The following SPTBN1 variants were observed in gnomAD, a reference collection of about 807,000 sequenced individuals.
The protein encoded by SPTBN1 is spectrin beta chain, non-erythrocytic 1.
Under a neutral mutation model 266.4 loss-of-function variants are expected in SPTBN1, and 32 were observed. The observed-to-expected ratio is 0.12, with a 90% CI of 0.09 to 0.16. The LOEUF (loss-of-function observed/expected upper bound fraction) is 0.16. SPTBN1 is among the 10% of genes least tolerant of loss of function. The pLI, the probability that SPTBN1 is intolerant of heterozygous loss-of-function variation, is 1.00. For synonymous variants in SPTBN1, 1,336 were observed against 1,162.2 expected, an observed-to-expected ratio of 1.15 and a Z score of -3.04; for missense variants, 2,296 against 3,067.1, an observed-to-expected ratio of 0.75 and a Z score of 5.94.
intron 34 of SPTBN1, among the ~76,000 whole-genome samples, chr2:54,666,589 G>T (rs978513892): frequency 6.6e-6 from 1 of 152,198 alleles, no homozygotes; most frequent in South Asian, 2.1e-4. Flanking sequence ...AGATGCTCCA[G>T]CTGTCTCAGA....
intron 2 of SPTBN1, among the ~76,000 whole-genome samples, chr2:54,587,027 C>T (rs1375964658): frequency 1.3e-5 from 2 of 152,068 alleles, no homozygotes; most frequent in Non-Finnish European, 2.9e-5. Context: ...AAGCAAGGGC[C>T]GGGGAGCATG....
At chr2:54,655,045 G>A (rs775742212) in intron 27 of SPTBN1, 25 bp from the exon 28 acceptor site, 43 of 1,600,916 alleles carry the variant, frequency 2.7e-5, no homozygotes, top group African/African-American at 4.0e-5. Flanking sequence ...ATCTCCTAAC[G>A]GAGGCATCGT....
intron 4 of SPTBN1, among the ~76,000 whole-genome samples, chr2:54,615,994 C>T (rs1440770073): frequency 6.6e-6 from 1 of 152,156 alleles, no homozygotes; most frequent in Non-Finnish European, 1.5e-5. Flanking sequence ...TCCCGTCAGC[C>T]TTCTGTCTGT....
At chr2:54,647,036 CT>C in intron 23 of SPTBN1, 94 bp from the exon 24 acceptor site, 1 of 1,578,002 alleles carries the variant, frequency 6.3e-7, no homozygotes, top group Non-Finnish European at 8.6e-7. Flanking sequence ...TCTACTGATC[CT>C]TCCTCCTACC....
At chr2:54,459,040 A>T (rs1693221928) in intron 1 of SPTBN1, among the ~76,000 whole-genome samples, 1 of 152,154 alleles carries the variant, frequency 6.6e-6, no homozygotes, top group Non-Finnish European at 1.5e-5. Flanking sequence ...GATTTTTATG[A>T]ATGTTGTTCC....
intron 1 of SPTBN1, among the ~76,000 whole-genome samples, chr2:54,495,779 G>A (rs1373070912): frequency 1.3e-5 from 2 of 150,860 alleles, no homozygotes; most frequent in African/African-American, 4.8e-5. Flanking sequence ...TATGTATGGT[G>A]ATTTATTTAA....
chr2:54,572,866 A>C (rs1280147252), intron 2 of SPTBN1, among the ~76,000 whole-genome samples: 12 of 152,062 alleles, frequency 7.9e-5, no homozygotes, highest in Admixed American at 7.9e-4. Flanking sequence ...GGGTTTTTGG[A>C]AAGGGAGAGG....
chr2:54,664,827 CT>C lies in SPTBN1; in HGVS notation c.6659+138del. ...TTGGTAGCTTCCTGGACATTGCATTCTTCTTGGGCTGACGCTGGAAAGCAGG... is the reference window on the plus strand; with the variant it reads ...TTGGTAGCTTCCTGGACATTGCATTCTCTTGGGCTGACGCTGGAAAGCAGG... On this transcript the variant is annotated intron_variant, in intron 33 of 35. Transcript: ENST00000356805. This position sits in a 1 kb window ranked among gnomAD's most constrained non-coding sequence, Gnocchi z 5.6. 3.4e-6 allele frequency: 3 copies of C among 871,796 alleles called. No homozygotes were observed. The highest frequency in any genetic ancestry group is 5.2e-6 in the Non-Finnish European group (3 of 581,564). 54.0% of individuals were successfully genotyped at this position (871,796 alleles called of 1,614,324 possible).
intron 1 of SPTBN1, among the ~76,000 whole-genome samples, chr2:54,458,290 A>G (rs1407504257): frequency 6.6e-6 from 1 of 152,210 alleles, no homozygotes; most frequent in Non-Finnish European, 1.5e-5. Flanking sequence ...TTGTTTTAAA[A>G]GGAATTTATA....
At chr2:54,596,842 G>A (rs1676126479) in intron 2 of SPTBN1, among the ~76,000 whole-genome samples, 1 of 152,172 alleles carries the variant, frequency 6.6e-6, no homozygotes, top group Non-Finnish European at 1.5e-5. Context: ...CTGTAGGGAG[G>A]AGGGTTGGGA....
rs765729272 is a variant in SPTBN1 at position 54,655,930 on chromosome 2, T to C, written c.5978T>C (p.Leu1993Pro). 1 of 1,613,116 alleles carries C rather than the reference T, an allele frequency of 6.2e-7. No individual in the cohort carries two copies. Among genetic ancestry groups the C allele is most frequent in the Non-Finnish European group, 8.5e-7 (1 of 1,179,364 alleles). ...YASEEIKEKL[L>P]QLTEKRKEMI... ...TTCATACAGATCAAGGAAAAATTAC[T>C]GCAGTTGACGGAAAAGAGGAAAGAA... Residue 1993 changes from leucine (L) to proline (P), a missense_variant, in exon 29 of 36, where the codon CTG (leucine) becomes CCG (proline). Physicochemically the swap from Leu to Pro is moderately conservative, Grantham distance 98. Transcript: ENST00000356805.
chr2:54,462,074 G>T (rs1693395548), intron 1 of SPTBN1, among the ~76,000 whole-genome samples: 1 of 152,176 alleles, frequency 6.6e-6, no homozygotes, highest in Non-Finnish European at 1.5e-5. Context: ...CTAGGTACTG[G>T]CCTTGAGCTA....
At chr2:54,567,440 A>G (rs1000763335) in intron 2 of SPTBN1, among the ~76,000 whole-genome samples, 3 of 152,114 alleles carry the variant, frequency 2.0e-5, no homozygotes, top group African/African-American at 7.2e-5. Flanking sequence ...TCTTGGGCTC[A>G]AGCCATCCTT....
At position 54,661,330 on chromosome 2, in the gene SPTBN1, C is replaced by T. The variant is rs558383450; in HGVS notation, c.6420+1331C>T. 8 of 985,888 alleles carry T rather than the reference C, an allele frequency of 8.1e-6. No individual in the cohort carries two copies. In the Admixed American group the frequency reaches 4.3e-4, roughly 53 times the overall value. The allele number at this position is 985,888 out of a possible 1,614,324, so 61.1% of individuals were successfully genotyped here. ...ATACATCAAAACCTTGTGAGACATT[C>T]ACTTGCTCTTTTGCCATATTTAGAT... On this transcript the variant is annotated intron_variant, in intron 32 of 35. Coordinates refer to ENST00000356805, the MANE Select transcript of SPTBN1 (RefSeq NM_003128.3).
chr2:54,664,209 G>A lies in SPTBN1; in HGVS notation c.6421-244G>A, dbSNP rs1681227907. The A allele has an allele frequency of 2.1e-6, 1 of 481,418 alleles. No individual in the cohort carries two copies. The highest frequency in any genetic ancestry group is 3.7e-6 in the Non-Finnish European group (1 of 269,436). 29.8% of individuals were successfully genotyped at this position (481,418 alleles called of 1,614,324 possible). A position where few individuals can be genotyped will look rare whatever the true frequency, so the allele number is the denominator to read the frequency against. ...TATTTATTGATCAGAGGAATAGAGT[G>A]CAGTAAAACTCATACTGGCATTTCG... On this transcript the variant is annotated intron_variant, in intron 32 of 35. Transcript: ENST00000356805. This position sits in a 1 kb window ranked among gnomAD's most constrained non-coding sequence, Gnocchi z 5.6.
intron 3 of SPTBN1, among the ~76,000 whole-genome samples, chr2:54,611,589 C>T (rs60115536): frequency 1.3e-5 from 2 of 152,030 alleles, no homozygotes; most frequent in African/African-American, 4.8e-5. Context: ...ATTTAAATTG[C>T]ACTACACTCA....
chr2:54,498,973 C>T (rs1669114305), intron 1 of SPTBN1, among the ~76,000 whole-genome samples: 1 of 52,936 alleles, frequency 1.9e-5, no homozygotes, highest in African/African-American at 2.0e-4. Context: ...ACGGAGAAAC[C>T]CAGGAGACTT....
At chr2:54,530,352 A>AATTTTTTTTTTTT (rs1558810829) in intron 2 of SPTBN1, among the ~76,000 whole-genome samples, 1 of 60,698 alleles carries the variant, frequency 1.6e-5, no homozygotes, top group Non-Finnish European at 3.5e-5. Flanking sequence ...ATTGTAAAAA[A>AATTTTTTTTTTTT]CTTTTTTTTT....
intron 1 of SPTBN1, among the ~76,000 whole-genome samples, chr2:54,480,224 A>G (rs903792841): frequency 6.6e-6 from 1 of 152,202 alleles, no homozygotes; most frequent in Non-Finnish European, 1.5e-5. Flanking sequence ...GCACCTTTTG[A>G]ACAGCTGGCG....
Sources: gnomAD v4.1 joint callset for allele counts (sites outside exome capture counted in the v4.1 genomes callset) on GRCh38, gnomAD v4.1.1 for gene constraint, Gnocchi (gnomAD v3.1) non-coding constraint, MANE v1.5 for transcripts, NCBI Gene and HGNC (gene_info 2026-07-23, HGNC 2026-07-21) for gene names.